The following ATXN7L1 variants were observed in gnomAD, a reference collection of about 807,000 sequenced individuals.
ATXN7L1 encodes the protein ataxin 7 like 1, also known as ataxin-7-like protein 1.
ATXN7L1 carries 15 observed loss-of-function variants against 70.8 expected under a neutral mutation model. The ratio of observed to expected loss-of-function variants is 0.21; its 90% CI spans 0.14 to 0.33. ATXN7L1 has a LOEUF of 0.33. ATXN7L1 is among the 10% of genes least tolerant of loss of function. The pLI is 1.00. For missense variants in ATXN7L1, 975 were observed against 1,097.1 expected, an observed-to-expected ratio of 0.89 and a Z score of 1.57; for synonymous variants, 440 against 445.1, an observed-to-expected ratio of 0.99 and a Z score of 0.14.
chr7:105,724,300 G>A (rs911032907), intron 3 of ATXN7L1, among the ~76,000 whole-genome samples: 15 of 152,114 alleles, frequency 9.9e-5, no homozygotes, highest in African/African-American at 3.1e-4. Flanking sequence ...AGGGCCGGGC[G>A]CAGTGGTTCA....
intron 3 of ATXN7L1, among the ~76,000 whole-genome samples, chr7:105,731,397 G>A (rs1310880065): frequency 6.7e-6 from 1 of 149,432 alleles, no homozygotes. Flanking sequence ...TCTTTAAGAA[G>A]AAAAGGTGTA....
intron 4 of ATXN7L1, among the ~76,000 whole-genome samples, chr7:105,662,868 AATT>A: frequency 6.6e-6 from 1 of 152,174 alleles, no homozygotes; most frequent in East Asian, 1.9e-4. Flanking sequence ...CGTTATGCTA[AATT>A]ATTTATTGAA....
intron 2 of ATXN7L1, among the ~76,000 whole-genome samples, chr7:105,872,688 T>A (rs1162068392): frequency 6.6e-6 from 1 of 152,084 alleles, no homozygotes; most frequent in Non-Finnish European, 1.5e-5. Flanking sequence ...AGTGATTGCA[T>A]AATGGGTACA....
intron 3 of ATXN7L1, among the ~76,000 whole-genome samples, chr7:105,685,030 T>C (rs1370761910): frequency 6.9e-6 from 1 of 145,948 alleles, no homozygotes; most frequent in Non-Finnish European, 1.5e-5. Context: ...CTGCCTTTAG[T>C]ACAGAGAAGA....
chr7:105,688,003 G>A (rs1255373408), intron 3 of ATXN7L1, among the ~76,000 whole-genome samples: 3 of 152,154 alleles, frequency 2.0e-5, no homozygotes, highest in African/African-American at 7.2e-5. Flanking sequence ...AGAATTCCAG[G>A]AACTGGACTG....
intron 3 of ATXN7L1, among the ~76,000 whole-genome samples, chr7:105,692,415 T>TTCCCTCCCTCCCTCCCTCCC (rs1379205062): frequency 3.7e-5 from 5 of 134,764 alleles, no homozygotes; most frequent in African/African-American, 1.5e-4. Flanking sequence ...CCTTCCTTCC[T>TTCCCTCCCTCCCTCCCTCCC]TCCTTCCTTC....
intron 3 of ATXN7L1, chr7:105,761,151 G>C: frequency 8.0e-7 from 1 of 1,249,902 alleles, no homozygotes; most frequent in Non-Finnish European, 1.0e-6. Context: ...CCAGCTTTGT[G>C]GTGGTGAAAA....
At chr7:105,737,164 G>A (rs974548) in intron 3 of ATXN7L1, among the ~76,000 whole-genome samples, 31,227 of 152,098 alleles carry the variant, frequency 0.21, 3,416 homozygotes, top group East Asian at 0.33. Context: ...TATTTTGCCA[G>A]GAACTTCTCC....
At position 105,614,979 on chromosome 7, in the gene ATXN7L1, C is replaced by A. The variant is rs1215013568; in HGVS notation, c.1518-163G>T. 6.6e-6 allele frequency among the ~76,000 whole-genome samples: 1 copy of A among 152,068 alleles called. No homozygotes were observed. Among genetic ancestry groups the A allele is most frequent in the Non-Finnish European group, 1.5e-5 (1 of 68,006 alleles). ...GATGGGAGAATCTGAAGCATGGCCCCTCCTTATGGCACCCCCCATTGCAAC... is the reference window on the plus strand; with the variant it reads ...GATGGGAGAATCTGAAGCATGGCCCATCCTTATGGCACCCCCCATTGCAAC... On this transcript the variant is annotated intron_variant, in intron 9 of 11. Transcript: ENST00000419735. The surrounding 1 kb of genome is among the most constrained non-coding windows in gnomAD (Gnocchi z 4.3).
At chr7:105,840,348 T>A (rs866874283) in intron 2 of ATXN7L1, among the ~76,000 whole-genome samples, 1 of 152,178 alleles carries the variant, frequency 6.6e-6, no homozygotes, top group Admixed American at 6.5e-5. Flanking sequence ...GGGGCTTGGA[T>A]AGCCTGCTGC....
intron 2 of ATXN7L1, among the ~76,000 whole-genome samples, chr7:105,865,013 C>T (rs759852106): frequency 6.6e-6 from 1 of 152,192 alleles, no homozygotes; most frequent in Non-Finnish European, 1.5e-5. Context: ...CCTTAAAGAA[C>T]TGGAGACATA....
At chr7:105,660,600 T>G (rs1212156443) in intron 4 of ATXN7L1, among the ~76,000 whole-genome samples, 1 of 140,560 alleles carries the variant, frequency 7.1e-6, no homozygotes, top group African/African-American at 2.6e-5. Flanking sequence ...TTTTTTTTTT[T>G]GAGACAGAGT....
chr7:105,782,906 T>C (rs994751553), intron 3 of ATXN7L1, among the ~76,000 whole-genome samples: 23 of 152,318 alleles, frequency 1.5e-4, no homozygotes, highest in Admixed American at 1.4e-3. Context: ...GGGCAAGAAA[T>C]GAAGGCAGGA....
intron 2 of ATXN7L1, among the ~76,000 whole-genome samples, chr7:105,837,837 C>T (rs1320124685): frequency 6.6e-6 from 1 of 152,156 alleles, no homozygotes; most frequent in African/African-American, 2.4e-5. Context: ...CTCCGTGAGA[C>T]AAGTGGCACT....
chr7:105,616,436 C>G (rs979027177), intron 9 of ATXN7L1, among the ~76,000 whole-genome samples: 3 of 152,168 alleles, frequency 2.0e-5, no homozygotes, highest in Non-Finnish European at 2.9e-5. Flanking sequence ...AATCCTTGTC[C>G]TTGAAAACGT....
intron 3 of ATXN7L1, among the ~76,000 whole-genome samples, chr7:105,771,201 GATA>G (rs67884616): frequency 0.26 from 36,071 of 139,058 alleles, 5,749 homozygotes; most frequent in Non-Finnish European, 0.37. Flanking sequence ...CTCCGTCTCT[GATA>G]ATAATAATAA....
chr7:105,686,682 G>A (rs1806219272), intron 3 of ATXN7L1, among the ~76,000 whole-genome samples: 1 of 152,204 alleles, frequency 6.6e-6, no homozygotes, highest in Non-Finnish European at 1.5e-5. Flanking sequence ...AATATCTCAT[G>A]TAATGTATTG....
At chr7:105,841,341 A>G (rs1364539445) in intron 2 of ATXN7L1, among the ~76,000 whole-genome samples, 1 of 152,232 alleles carries the variant, frequency 6.6e-6, no homozygotes, top group Non-Finnish European at 1.5e-5. Context: ...CCAGCTGAAA[A>G]GTGGAACTAA....
chr7:105,830,402 G>A (rs1261401033), intron 2 of ATXN7L1, among the ~76,000 whole-genome samples: 3 of 152,290 alleles, frequency 2.0e-5, no homozygotes, highest in Non-Finnish European at 4.4e-5. Flanking sequence ...GACTAGAAGA[G>A]TTGTTTAATT....
Sources: gnomAD v4.1 joint callset for allele counts (sites outside exome capture counted in the v4.1 genomes callset) on GRCh38, gnomAD v4.1.1 for gene constraint, Gnocchi (gnomAD v3.1) non-coding constraint, MANE v1.5 for transcripts, NCBI Gene and HGNC (gene_info 2026-07-23, HGNC 2026-07-21) for gene names.